The following PM20D2 variants were observed in gnomAD, a reference collection of about 807,000 sequenced individuals.
The protein encoded by PM20D2 is xaa-Arg dipeptidase.
In PM20D2, 33 loss-of-function variants were observed where a neutral mutation model predicts 42.9. The observed-to-expected ratio is 0.77, with a 90% CI of 0.58 to 1.03. The LOEUF (loss-of-function observed/expected upper bound fraction) is 1.03, where lower values mean the gene tolerates loss of function less well. Ranked by LOEUF, PM20D2 falls within the 50% of genes least tolerant of loss-of-function variation. PM20D2 has a pLI of 0.00. For missense variants in PM20D2, 548 were observed against 557.0 expected (o/e 0.98, Z 0.16); for synonymous variants, 250 against 228.2 (o/e 1.10, Z -0.86).
the PM20D2 span, among the ~76,000 whole-genome samples, chr6:89,123,144 A>T: frequency 6.6e-6 from 1 of 152,130 alleles, no homozygotes. Context: ...TGGGTATTGA[A>T]AATCTTGGGG....
chr6:89,164,939 A>AG lies in PM20D2; in HGVS notation c.*2676_*2677insG, dbSNP rs1336487904. ...TGTGCCTGTAAAAAAAAAAAAAAAA[A>AG]AAAGAAAAGAAAAGACACTGTTGCA... On this transcript the variant is annotated 3_prime_UTR_variant, in exon 7 of 7. Transcript: ENST00000275072. 5 of 94,900 alleles carry AG rather than the reference A, an allele frequency of 5.3e-5. No homozygotes were observed. The highest frequency in any genetic ancestry group is 8.3e-5 in the Non-Finnish European group (4 of 48,346). The allele number at this position is 94,900 out of a possible 1,614,324, so 5.9% of individuals were successfully genotyped here.
upstream of PM20D2, among the ~76,000 whole-genome samples, chr6:89,142,470 C>A (rs535214984): frequency 1.3e-5 from 2 of 152,254 alleles, no homozygotes; most frequent in South Asian, 4.1e-4. Context: ...GCATTTTGTT[C>A]AGGAGAAAAT....
chr6:89,132,834 T>C, the PM20D2 span, among the ~76,000 whole-genome samples: 2 of 150,776 alleles, frequency 1.3e-5, no homozygotes, highest in African/African-American at 2.5e-5. Flanking sequence ...TGAGACTCCA[T>C]CTCAAGAAAA....
At chr6:89,116,609 T>C in the PM20D2 span, among the ~76,000 whole-genome samples, 1 of 151,964 alleles carries the variant, frequency 6.6e-6, no homozygotes, top group Non-Finnish European at 1.5e-5. Flanking sequence ...ACCTCATCTC[T>C]ACTAAAAATA....
the PM20D2 span, chr6:89,098,700 T>C: frequency 1.5e-5 from 24 of 1,614,006 alleles, no homozygotes; most frequent in Admixed American, 3.3e-5. Flanking sequence ...CACGGGGATC[T>C]TGCTATTGAG....
At chr6:89,111,004 T>C in the PM20D2 span, among the ~76,000 whole-genome samples, 2 of 152,034 alleles carry the variant, frequency 1.3e-5, no homozygotes, top group Admixed American at 6.6e-5. Context: ...CCCAGCTACT[T>C]AGGAGGCTGA....
chr6:89,162,163 C>T lies in PM20D2; in HGVS notation c.1211C>T (p.Thr404Met), dbSNP rs774885454. Reference protein sequence around the residue: ...TLRTAKALAMTALDVIFKPEL... With the variant: ...TLRTAKALAMMALDVIFKPEL... The stretch of plus-strand genomic sequence containing the variant: ...CGGACGGCCAAAGCTCTGGCAATGA[C>T]GGCACTGGATGTTATTTTTAAACCA... The change falls in exon 7 of 7, where the codon ACG becomes ATG. Residue 404 changes from threonine to methionine, a missense_variant. Thr to Met is a moderately conservative substitution (Grantham distance 81). Around this residue, in one of 3 missense-constraint regions of PM20D2, gnomAD observed 71 missense variants for 69.7 expected, o/e 1.02. Transcript: ENST00000275072. 2.9e-5 allele frequency: 47 copies of T among 1,613,874 alleles called. No individual in the cohort carries two copies. Among genetic ancestry groups the T allele is most frequent in the East Asian group, 1.3e-4 (6 of 44,902 alleles).
At chr6:89,134,109 C>T in the PM20D2 span, among the ~76,000 whole-genome samples, 3 of 151,106 alleles carry the variant, frequency 2.0e-5, no homozygotes, top group South Asian at 6.2e-4. Context: ...CAGCCTCGGC[C>T]CTGACTCCTG....
At chr6:89,097,744 T>C in the PM20D2 span, 1 of 152,100 alleles carries the variant, frequency 6.6e-6, no homozygotes, top group Non-Finnish European at 1.5e-5. Context: ...AAAGAAAAAA[T>C]TAAGCAACAG....
At chr6:89,139,664 C>T in the PM20D2 span, among the ~76,000 whole-genome samples, 6 of 152,088 alleles carry the variant, frequency 3.9e-5, no homozygotes, top group South Asian at 2.1e-4. Context: ...CCTGTGATCA[C>T]GCCCCTGCAC....
chr6:89,140,570 T>G, the PM20D2 span, among the ~76,000 whole-genome samples: 4 of 152,158 alleles, frequency 2.6e-5, no homozygotes, highest in Non-Finnish European at 5.9e-5. Context: ...CCAGGGGCAG[T>G]CAAAGTTCTC....
chr6:89,150,638 C>T (rs1247040484), intron 2 of PM20D2, among the ~76,000 whole-genome samples: 2 of 138,542 alleles, frequency 1.4e-5, no homozygotes, highest in African/African-American at 5.4e-5. Flanking sequence ...ATCCCAGGTT[C>T]AAGTGATTCT....
At chr6:89,151,569 C>G (rs930635020) in intron 2 of PM20D2, among the ~76,000 whole-genome samples, 2 of 152,180 alleles carry the variant, frequency 1.3e-5, no homozygotes, top group Non-Finnish European at 2.9e-5. Flanking sequence ...CTGCTGACCA[C>G]CTTTCCCAAA....
chr6:89,148,343 A>G (rs1054369568), intron 1 of PM20D2, among the ~76,000 whole-genome samples: 2 of 152,200 alleles, frequency 1.3e-5, no homozygotes, highest in Non-Finnish European at 2.9e-5. Context: ...TTATCTGAAA[A>G]TGGAATTTAA....
At chr6:89,134,899 C>T in the PM20D2 span, among the ~76,000 whole-genome samples, 12 of 151,080 alleles carry the variant, frequency 7.9e-5, no homozygotes, top group African/African-American at 2.7e-4. Flanking sequence ...TTGGGTAGCT[C>T]TGGAGTGTAA....
At chr6:89,099,963 T>G in the PM20D2 span, among the ~76,000 whole-genome samples, 1 of 152,204 alleles carries the variant, frequency 6.6e-6, no homozygotes, top group Non-Finnish European at 1.5e-5. Context: ...AAGACCATTT[T>G]TCAAATGACA....
the PM20D2 span, among the ~76,000 whole-genome samples, chr6:89,120,387 A>G: frequency 3.0e-4 from 46 of 152,178 alleles, no homozygotes; most frequent in African/African-American, 1.1e-3. Flanking sequence ...ATACCTGGAG[A>G]TAGGACTTGG....
the PM20D2 span, among the ~76,000 whole-genome samples, chr6:89,093,978 T>A: frequency 2.2e-5 from 3 of 136,996 alleles, no homozygotes; most frequent in African/African-American, 8.2e-5. Context: ...GGGAGTGCAG[T>A]TGAGTGATCT....
the PM20D2 span, chr6:89,098,357 C>A: frequency 2.4e-6 from 1 of 422,848 alleles, no homozygotes; most frequent in Non-Finnish European, 4.0e-6. Flanking sequence ...AAAAATGGTC[C>A]ATAAAATGGT....
Sources: allele counts gnomAD v4.1 joint callset (sites outside exome capture counted in the v4.1 genomes callset), GRCh38; gene constraint gnomAD v4.1.1; regional missense constraint gnomAD v4.1.1; transcripts MANE v1.5; gene names NCBI Gene and HGNC (gene_info 2026-07-23, HGNC 2026-07-21).